ETV6: variants seen among roughly 807,000 people sequenced by gnomAD.
ETV6 encodes the protein transcription factor ETV6.
Under a neutral mutation model 51.1 loss-of-function variants are expected in ETV6, and 16 were observed. The ratio of observed to expected loss-of-function variants is 0.31; its 90% CI spans 0.21 to 0.48. The LOEUF is 0.48. ETV6 is among the 20% of genes least tolerant of loss of function. ETV6 has a pLI of 0.99. For missense variants in ETV6, 458 were observed against 594.8 expected (o/e 0.77, Z 2.39); for synonymous variants, 240 against 224.1 (o/e 1.07, Z -0.64).
chr12:11,685,398 T>C (rs1376874408), intron 1 of ETV6, among the ~76,000 whole-genome samples: 1 of 152,018 alleles, frequency 6.6e-6, no homozygotes, highest in Non-Finnish European at 1.5e-5. Context: ...CTAGAAACCC[T>C]TAGGGGCACA....
At chr12:11,858,829 A>C (rs534363172) in intron 4 of ETV6, among the ~76,000 whole-genome samples, 100 of 124,408 alleles carry the variant, frequency 8.0e-4, no homozygotes, top group African/African-American at 2.2e-3. Context: ...ATCGCAAGTG[A>C]TGAGGAGAAC....
At chr12:11,866,900 T>G (rs1017836198) in intron 4 of ETV6, among the ~76,000 whole-genome samples, 1 of 152,244 alleles carries the variant, frequency 6.6e-6, no homozygotes, top group East Asian at 1.9e-4. Flanking sequence ...CTGTATGGGA[T>G]TTGTTTCTTC....
Position 11,869,802 on chromosome 12 carries a change from C to A in ETV6, c.842C>A (p.Pro281His). ...ATCATGCACCCTCTGATCCTGAACC[C>A]CCGGCACTCCGTGGATTTCAAACAG... ...SPIMHPLILNPRHSVDFKQSR... is the reference protein window; with the variant it reads ...SPIMHPLILNHRHSVDFKQSR... The change falls in exon 5 of 8, where the codon CCC becomes CAC. Residue 281 changes from proline (P) to histidine (H), a missense_variant. By Grantham distance (77) the Pro-to-His change is moderately conservative (BLOSUM62 -2). Coordinates refer to ENST00000396373, the MANE Select transcript of ETV6 (RefSeq NM_001987.5). The surrounding 1 kb of genome is among the most constrained non-coding windows in gnomAD (Gnocchi z 5.0). The A allele has an allele frequency of 6.2e-7, 1 of 1,613,304 alleles. No individual in the cohort carries two copies. Among genetic ancestry groups the A allele is most frequent in the Non-Finnish European group, 8.5e-7 (1 of 1,180,042 alleles).
chr12:11,687,702 T>A (rs1281715294), intron 1 of ETV6, among the ~76,000 whole-genome samples: 2 of 152,228 alleles, frequency 1.3e-5, no homozygotes, highest in Non-Finnish European at 2.9e-5. Flanking sequence ...TCAAGCATTG[T>A]AGGGAAAGAA....
chr12:11,757,033 C>G (rs925782719), intron 2 of ETV6, among the ~76,000 whole-genome samples: 1 of 152,194 alleles, frequency 6.6e-6, no homozygotes. Flanking sequence ...AAAATCGGAA[C>G]GTAGGACTCA....
intron 1 of ETV6, among the ~76,000 whole-genome samples, chr12:11,748,661 TG>T (rs1463195731): frequency 6.6e-6 from 1 of 152,020 alleles, no homozygotes; most frequent in East Asian, 1.9e-4. Context: ...TGAGGGTGGG[TG>T]TGGGGGAACG....
intron 1 of ETV6, among the ~76,000 whole-genome samples, chr12:11,674,440 T>TGTG (rs748796199): frequency 4.0e-5 from 6 of 151,538 alleles, no homozygotes; most frequent in Non-Finnish European, 5.9e-5. Context: ...ATTCTGAAAG[T>TGTG]GGTCATAGAG....
At chr12:11,700,690 C>T (rs891027473) in intron 1 of ETV6, among the ~76,000 whole-genome samples, 3 of 151,862 alleles carry the variant, frequency 2.0e-5, no homozygotes, top group Admixed American at 1.3e-4. Context: ...ATATATTTAC[C>T]GTTCATTAAG....
chr12:11,889,965 C>T (rs138576925), intron 7 of ETV6, among the ~76,000 whole-genome samples: 1 of 149,778 alleles, frequency 6.7e-6, no homozygotes, highest in African/African-American at 2.4e-5. Flanking sequence ...CTTCCTGAGC[C>T]ATGTAAATTA....
At chr12:11,864,255 C>T (rs1215928181) in intron 4 of ETV6, among the ~76,000 whole-genome samples, 1 of 152,208 alleles carries the variant, frequency 6.6e-6, no homozygotes, top group Non-Finnish European at 1.5e-5. Context: ...TGAGTGCACA[C>T]CCACACACTA....
chr12:11,837,166 T>G (rs1035654530), intron 2 of ETV6, among the ~76,000 whole-genome samples: 2 of 152,230 alleles, frequency 1.3e-5, no homozygotes, highest in African/African-American at 2.4e-5. Context: ...CTGTTTTTAA[T>G]AGGCATCACT....
At chr12:11,870,510 T>C (rs978299249) in intron 5 of ETV6, among the ~76,000 whole-genome samples, 1 of 152,176 alleles carries the variant, frequency 6.6e-6, no homozygotes, top group Admixed American at 6.5e-5. Context: ...TCATTTATTA[T>C]AAGAAGCCCA....
chr12:11,818,714 G>A (rs1946033042), intron 2 of ETV6, among the ~76,000 whole-genome samples: 1 of 152,094 alleles, frequency 6.6e-6, no homozygotes, highest in African/African-American at 2.4e-5. Flanking sequence ...TGTTCACTTT[G>A]CTCAGTACTC....
At chr12:11,699,801 C>T (rs762902539) in intron 1 of ETV6, among the ~76,000 whole-genome samples, 16 of 152,090 alleles carry the variant, frequency 1.1e-4, no homozygotes, top group African/African-American at 3.1e-4. Flanking sequence ...GGAGGACCTT[C>T]GAGTATACTG....
chr12:11,732,829 A>G (rs1016225575), intron 1 of ETV6, among the ~76,000 whole-genome samples: 12 of 152,224 alleles, frequency 7.9e-5, no homozygotes, highest in Non-Finnish European at 1.8e-4. Context: ...TGTAATCATT[A>G]TGTTAAATGA....
chr12:11,799,238 A>G (rs1945715166), intron 2 of ETV6, among the ~76,000 whole-genome samples: 1 of 152,228 alleles, frequency 6.6e-6, no homozygotes, highest in Non-Finnish European at 1.5e-5. Context: ...CAAGTGAACT[A>G]GATGTCTAGT....
intron 2 of ETV6, chr12:11,768,846 C>T: frequency 2.2e-6 from 1 of 449,432 alleles, no homozygotes; most frequent in South Asian, 1.6e-5. Context: ...CTACCACATT[C>T]CAGCTACATA....
intron 2 of ETV6, among the ~76,000 whole-genome samples, chr12:11,764,712 T>A (rs897658580): frequency 6.6e-6 from 1 of 152,138 alleles, no homozygotes; most frequent in African/African-American, 2.4e-5. Context: ...GGGTGGCCTA[T>A]GTGTGTGTGA....
At chr12:11,805,024 C>T (rs58238475) in intron 2 of ETV6, among the ~76,000 whole-genome samples, 11 of 152,126 alleles carry the variant, frequency 7.2e-5, no homozygotes, top group Admixed American at 6.5e-4. Context: ...CTGAACTTGG[C>T]GTTCTCAGAT....
Sources: gnomAD v4.1 joint callset for allele counts (sites outside exome capture counted in the v4.1 genomes callset) on GRCh38, gnomAD v4.1.1 for gene constraint, Gnocchi (gnomAD v3.1) non-coding constraint, MANE v1.5 for transcripts, NCBI Gene and HGNC (gene_info 2026-07-23, HGNC 2026-07-21) for gene names.